Variants in MYRFL observed in about 807,000 individuals in gnomAD.
MYRFL encodes the protein myelin regulatory factor-like protein.
MYRFL carries 88 observed loss-of-function variants against 109.4 expected under a neutral mutation model. That is an observed-to-expected ratio of 0.80 (90% confidence interval 0.68 to 0.96). The LOEUF (loss-of-function observed/expected upper bound fraction) is 0.96. Ranked by LOEUF, MYRFL falls within the 40% of genes least tolerant of loss-of-function variation. The probability of loss-of-function intolerance (pLI) is 0.00; values close to 1 mark genes in which losing one functional copy is unlikely to be tolerated. For synonymous variants in MYRFL, 324 were observed against 320.9 expected, an observed-to-expected ratio of 1.01 and a Z score of -0.10; for missense variants, 957 against 954.9, an observed-to-expected ratio of 1.00 and a Z score of -0.03.
intron 20 of MYRFL, 162 bp downstream of exon 20, chr12:69,952,337 A>G: frequency 1.6e-6 from 1 of 638,126 alleles, no homozygotes; most frequent in Admixed American, 2.6e-5. Flanking sequence ...CACCCTAACC[A>G]CTAATGAGGC....
chr12:69,944,192 C>T (rs1007004579), intron 19 of MYRFL, among the ~76,000 whole-genome samples: 6 of 142,898 alleles, frequency 4.2e-5, no homozygotes, highest in African/African-American at 1.6e-4. Context: ...GGGTATATAC[C>T]CAAAGGACTA....
intron 13 of MYRFL, among the ~76,000 whole-genome samples, chr12:69,923,028 G>A (rs916008240): frequency 1.5e-4 from 23 of 152,282 alleles, no homozygotes; most frequent in African/African-American, 5.5e-4. Context: ...AAAAAAATGA[G>A]TTAAGCCCTT....
chr12:69,874,703 A>G (rs1299065666), intron 2 of MYRFL, among the ~76,000 whole-genome samples: 3 of 151,780 alleles, frequency 2.0e-5, no homozygotes, highest in African/African-American at 7.3e-5. Flanking sequence ...CTTGAAGACT[A>G]TTTTCATTGG....
chr12:69,854,932 A>G (rs1884180163), intron 1 of MYRFL, among the ~76,000 whole-genome samples: 1 of 152,140 alleles, frequency 6.6e-6, no homozygotes, highest in African/African-American at 2.4e-5. Flanking sequence ...CAACATATTT[A>G]TTATAGTCAG....
At chr12:69,908,085 T>C (rs1954428975) in intron 11 of MYRFL, among the ~76,000 whole-genome samples, 1 of 152,196 alleles carries the variant, frequency 6.6e-6, no homozygotes, top group African/African-American at 2.4e-5. Context: ...CTAGCATTCC[T>C]GTCTTAGTCT....
intron 13 of MYRFL, among the ~76,000 whole-genome samples, chr12:69,918,923 A>G (rs1954825718): frequency 6.6e-6 from 1 of 152,192 alleles, no homozygotes; most frequent in Non-Finnish European, 1.5e-5. Context: ...ATTATTTTCT[A>G]TTTCAATGCC....
chr12:69,953,870 G>C (rs1400267220), intron 21 of MYRFL, among the ~76,000 whole-genome samples: 1 of 152,062 alleles, frequency 6.6e-6, no homozygotes, highest in Non-Finnish European at 1.5e-5. Context: ...GGCAAGGCCT[G>C]TAATCTGAAC....
In MYRFL at chr12:69,825,872, A is replaced by G. The variant is rs965739748; in HGVS notation, c.46+309A>G. On this transcript the variant is annotated intron_variant, in intron 1 of 24. Coordinates refer to ENST00000552032, the MANE Select transcript of MYRFL (RefSeq NM_182530.3). ...TAGATTTTATTTTTTCCCATGCCCT[A>G]TGTTTAAAAAAACTACATAGCCATG... Among the ~76,000 whole-genome samples the G allele has an allele frequency of 5.3e-5, 8 of 152,110 alleles. No individual in the cohort carries two copies. The East Asian group carries it at 1.2e-3, about 22-fold the overall frequency.
rs1340639242 is a variant in MYRFL, at chr12:69,941,781, C to A, written c.2224+5149C>A. ...TGAAAGGATCAACAAAATTGATAGA[C>A]CGCTAGCAAGACTAATAAAGAAAAA... On this transcript the variant is annotated intron_variant, in intron 19 of 24. Coordinates refer to ENST00000552032, the MANE Select transcript of MYRFL (RefSeq NM_182530.3). 3.0e-3 allele frequency among the ~76,000 whole-genome samples: 461 copies of A among 151,402 alleles called. 7 individuals carry two copies. The highest frequency in any genetic ancestry group is 0.01 in the African/African-American group (420 of 41,108).
chr12:69,917,383 CTT>C (rs56118035), intron 13 of MYRFL, among the ~76,000 whole-genome samples: 1 of 102,506 alleles, frequency 9.8e-6, no homozygotes, highest in African/African-American at 3.7e-5. Flanking sequence ...TATTCACTGA[CTT>C]TTTTTTTTTT....
intron 19 of MYRFL, among the ~76,000 whole-genome samples, chr12:69,940,125 T>G (rs11177978): frequency 0.13 from 19,138 of 151,634 alleles, 1,803 homozygotes; most frequent in East Asian, 0.47. Flanking sequence ...TGGAAAACAC[T>G]CTGCAGGATA....
Position 69,895,484 on chromosome 12 carries a change from A to C in MYRFL, c.1091+3A>C, listed in dbSNP as rs1953959330. 1 of 1,534,114 alleles carries C rather than the reference A, an allele frequency of 6.5e-7. No individual in the cohort carries two copies. The highest frequency in any genetic ancestry group is 8.7e-7 in the Non-Finnish European group (1 of 1,145,266). ...GGAAAACCAAATCCAGACCAGAGGT[A>C]CTGATGTCACTGTGTGCATGGCAGT... is the stretch of plus-strand genomic sequence containing the variant. On this transcript the variant is annotated splice_donor_region_variant and intron_variant, in intron 9 of 24. Coordinates refer to ENST00000552032, the MANE Select transcript of MYRFL (RefSeq NM_182530.3).
At chr12:69,902,278 G>A (rs764771231) in intron 10 of MYRFL, among the ~76,000 whole-genome samples, 11 of 152,116 alleles carry the variant, frequency 7.2e-5, no homozygotes, top group Non-Finnish European at 1.6e-4. Flanking sequence ...ATTGAATTAG[G>A]AAATTGAAGA....
Position 69,886,838 on chromosome 12 carries a change from G to C in MYRFL, c.575G>C (p.Ser192Thr). 6.5e-7 allele frequency: 1 copy of C among 1,535,932 alleles called. No individual in the cohort carries two copies. Among genetic ancestry groups the C allele is most frequent in the South Asian group, 1.2e-5 (1 of 84,046 alleles). The stretch of plus-strand genomic sequence containing the variant: ...TTTGCAGTGACAAGTAGGAGTCGCA[G>C]CAGTGAAGTCCAGGACCCTGACAGT... ...HCRPMTSRSR[S>T]SEVQDPDSEG... The change falls in exon 6 of 25, where the codon AGC becomes ACC. Residue 192 changes from serine (S) to threonine (T), a missense_variant. Coordinates refer to ENST00000552032, the MANE Select transcript of MYRFL (RefSeq NM_182530.3).
At chr12:69,913,143 T>G (rs576296659) in intron 13 of MYRFL, among the ~76,000 whole-genome samples, 3 of 152,184 alleles carry the variant, frequency 2.0e-5, no homozygotes, top group Non-Finnish European at 4.4e-5. Flanking sequence ...TTTGCCCATT[T>G]TTGACTTGGG....
chr12:69,853,264 C>T (rs979273779), intron 1 of MYRFL, among the ~76,000 whole-genome samples: 4 of 151,806 alleles, frequency 2.6e-5, no homozygotes, highest in African/African-American at 7.3e-5. Context: ...AGGGGCTGCC[C>T]CCCATCTCCT....
intron 13 of MYRFL, among the ~76,000 whole-genome samples, chr12:69,917,383 CTTTTTTTTTTTTTT>C (rs56118035): frequency 9.8e-6 from 1 of 102,514 alleles, no homozygotes; most frequent in Non-Finnish European, 1.8e-5. Flanking sequence ...TATTCACTGA[CTTTTTTTTTTTTTT>C]TTTTTTTTTG....
rs1277296623 is a variant in MYRFL at position 69,891,682 on chromosome 12, T to TTTCTTTCTTTCTTTCGTTCG, written c.903+519_903+520insTTTCTTTCTTTCGTTCGTTC. Among the ~76,000 whole-genome samples the TTTCTTTCTTTCTTTCGTTCG allele has an allele frequency of 1.3e-3, 131 of 101,546 alleles. 2 individuals are homozygous for TTTCTTTCTTTCTTTCGTTCG. Among genetic ancestry groups the TTTCTTTCTTTCTTTCGTTCG allele is most frequent in the East Asian group, 7.7e-3 (28 of 3,622 alleles). The allele number at this position is 101,546 out of a possible 152,430, so 66.6% of individuals were successfully genotyped here. On this transcript the variant is annotated intron_variant, in intron 7 of 24. Transcript: ENST00000552032. ...CTTTCTTTCTTTCTTTCTTTCTTTCTTTCGTTCGTTCGTTCTTTCTTTCTT... is the reference window on the plus strand; with the variant it reads ...CTTTCTTTCTTTCTTTCTTTCTTTCTTTCTTTCTTTCTTTCGTTCGTTCGTTCGTTCGTTCTTTCTTTCTT...
At chr12:69,899,360 A>G (rs1954110942) in intron 10 of MYRFL, among the ~76,000 whole-genome samples, 1 of 152,258 alleles carries the variant, frequency 6.6e-6, no homozygotes, top group Admixed American at 6.5e-5. Context: ...AAATGTCCAC[A>G]GAATACATTT....
Sources: allele counts gnomAD v4.1 joint callset (sites outside exome capture counted in the v4.1 genomes callset), GRCh38; gene constraint gnomAD v4.1.1; transcripts MANE v1.5; gene names NCBI Gene and HGNC (gene_info 2026-07-23, HGNC 2026-07-21).